The following TF variants were observed in gnomAD, a reference collection of about 807,000 sequenced individuals.
TF encodes serotransferrin.
TF carries 55 observed loss-of-function variants against 82.4 expected under a neutral mutation model. The ratio of observed to expected loss-of-function variants is 0.67; its 90% confidence interval spans 0.54 to 0.84. The LOEUF is 0.84. Ranked by LOEUF, TF falls within the 40% of genes least tolerant of loss-of-function variation. TF has a pLI of 0.00. For missense variants in TF, 737 were observed against 868.4 expected (o/e 0.85, Z 1.90); for synonymous variants, 332 against 332.6 (o/e 1.00, Z 0.02).
intron 8 of TF, among the ~76,000 whole-genome samples, chr3:133,758,700 G>C (rs887653418): frequency 2.6e-5 from 4 of 152,204 alleles, no homozygotes; most frequent in African/African-American, 9.7e-5. Context: ...TCTGAAAGAT[G>C]AGCAGATGTA....
chr3:133,795,753 T>G lies in TF; in HGVS notation c.*17133T>G, dbSNP rs1041485019. On this transcript the variant is annotated 3_prime_UTR_variant, in exon 17 of 17. Coordinates refer to ENST00000402696, the MANE Select transcript of TF (RefSeq NM_001063.4). ...ACCACGCCCGGCTAATTTTTTTGTA[T>G]TTTTAGTGGAGACGGGGTTTCACCA... is the stretch of plus-strand genomic sequence containing the variant. The G allele has an allele frequency of 1.3e-5, 2 of 152,042 alleles. No individual in the cohort carries two copies. Among genetic ancestry groups the G allele is most frequent in the South Asian group, 2.1e-4 (1 of 4,802 alleles). 9.4% of individuals were successfully genotyped at this position (152,042 alleles called of 1,614,324 possible).
intron 9 of TF, chr3:133,762,027 GA>G: frequency 6.0e-6 from 1 of 166,520 alleles, no homozygotes. Context: ...AAATGAAGCA[GA>G]AACAAAAGCT....
At chr3:133,724,713 G>T in the TF span, among the ~76,000 whole-genome samples, 1 of 152,202 alleles carries the variant, frequency 6.6e-6, no homozygotes, top group East Asian at 1.9e-4. Flanking sequence ...TGGTGTTTTA[G>T]ACATGAAGTC....
intron 14 of TF, among the ~76,000 whole-genome samples, chr3:133,771,565 G>A (rs979366376): frequency 7.3e-5 from 11 of 151,164 alleles, no homozygotes; most frequent in Admixed American, 2.0e-4. Context: ...GTGAAACCCC[G>A]TCTCTACTAA....
the TF span, among the ~76,000 whole-genome samples, chr3:133,725,634 T>C: frequency 6.6e-6 from 1 of 151,904 alleles, no homozygotes; most frequent in Non-Finnish European, 1.5e-5. Flanking sequence ...TTTTCCTAAT[T>C]GAATACCCTT....
the TF span, among the ~76,000 whole-genome samples, chr3:133,705,358 CT>C: frequency 6.6e-6 from 1 of 151,974 alleles, no homozygotes; most frequent in Non-Finnish European, 1.5e-5. Context: ...GGACTGGGTT[CT>C]TTCCCTCCCG....
At chr3:133,712,997 C>T in the TF span, among the ~76,000 whole-genome samples, 1 of 152,174 alleles carries the variant, frequency 6.6e-6, no homozygotes, top group Non-Finnish European at 1.5e-5. Flanking sequence ...CTCCTGCAGA[C>T]CCAGATGATT....
At chr3:133,716,712 C>G in the TF span, among the ~76,000 whole-genome samples, 1 of 152,332 alleles carries the variant, frequency 6.6e-6, no homozygotes, top group Middle Eastern at 3.4e-3. Flanking sequence ...TAATACTTCT[C>G]TGCTCAAAGC....
At chr3:133,725,912 A>C in the TF span, among the ~76,000 whole-genome samples, 1 of 152,238 alleles carries the variant, frequency 6.6e-6, no homozygotes, top group African/African-American at 2.4e-5. Context: ...CTATTGAGAT[A>C]ATCATGTGGT....
At chr3:133,771,852 GCCAGACTGAGCACT>G (rs1934270004) in intron 14 of TF, among the ~76,000 whole-genome samples, 1 of 151,808 alleles carries the variant, frequency 6.6e-6, no homozygotes, top group Non-Finnish European at 1.5e-5. Context: ...ACAAACATTG[GCCAGACTGAGCACT>G]CCACACCTGA....
chr3:133,762,957 ACTT>A (rs1934031834), intron 9 of TF, among the ~76,000 whole-genome samples: 1 of 152,214 alleles, frequency 6.6e-6, no homozygotes, highest in Non-Finnish European at 1.5e-5. Context: ...CTAGATTTTT[ACTT>A]CTTAAGACAT....
chr3:133,774,861 G>T, intron 14 of TF: 1 of 222,072 alleles, frequency 4.5e-6, no homozygotes, highest in Admixed American at 5.3e-5. Flanking sequence ...GAATGGGTGA[G>T]TTTTTTTTTT....
chr3:133,774,676 G>C, intron 14 of TF: 1 of 182,512 alleles, frequency 5.5e-6, no homozygotes, highest in Non-Finnish European at 1.2e-5. Flanking sequence ...TTAATATAGA[G>C]AGATATTCAA....
upstream of TF, among the ~76,000 whole-genome samples, chr3:133,743,352 G>A (rs1488331910): frequency 6.6e-6 from 1 of 152,100 alleles, no homozygotes; most frequent in African/African-American, 2.4e-5. Context: ...CTCCCAGACT[G>A]ACCAGCCCCT....
the TF span, among the ~76,000 whole-genome samples, chr3:133,666,908 C>T: frequency 6.6e-5 from 10 of 151,840 alleles, no homozygotes; most frequent in Non-Finnish European, 2.9e-5. Context: ...TGGTGGCGGG[C>T]GCCTGTAGTC....
chr3:133,778,713 T>G lies in TF; in HGVS notation c.*93T>G, dbSNP rs2107937404. On this transcript the variant is annotated 3_prime_UTR_variant, in exon 17 of 17. Coordinates refer to ENST00000402696, the MANE Select transcript of TF (RefSeq NM_001063.4). ...TTTCACTGGCCCAAGTGGTTTGTGCTAACCACGTCTGTCTTCACAGCTCTG... is the reference window on the plus strand; with the variant it reads ...TTTCACTGGCCCAAGTGGTTTGTGCGAACCACGTCTGTCTTCACAGCTCTG... 7.5e-7 allele frequency: 1 copy of G among 1,326,526 alleles called. No individual in the cohort carries two copies. Among genetic ancestry groups the G allele is most frequent in the Middle Eastern group, 2.0e-4 (1 of 4,902 alleles). 82.2% of individuals were successfully genotyped at this position (1,326,526 alleles called of 1,614,324 possible).
chr3:133,685,902 C>T, the TF span, among the ~76,000 whole-genome samples: 4 of 152,100 alleles, frequency 2.6e-5, no homozygotes, highest in African/African-American at 4.8e-5. Context: ...CAATCCTAAG[C>T]GAAAAGAACA....
At chr3:133,716,066 C>G in the TF span, among the ~76,000 whole-genome samples, 160 of 152,324 alleles carry the variant, frequency 1.1e-3, 1 homozygote, top group African/African-American at 3.6e-3. Flanking sequence ...TCTCCCTTCC[C>G]CCTCCTGACA....
the TF span, among the ~76,000 whole-genome samples, chr3:133,714,707 G>A: frequency 2.0e-5 from 3 of 151,966 alleles, no homozygotes; most frequent in South Asian, 4.1e-4. Context: ...TTTTTTGATG[G>A]AGTCTTGCTC....
Sources: gnomAD v4.1 joint callset for allele counts (sites outside exome capture counted in the v4.1 genomes callset) on GRCh38, gnomAD v4.1.1 for gene constraint, MANE v1.5 for transcripts, NCBI Gene and HGNC (gene_info 2026-07-23, HGNC 2026-07-21) for gene names.